Variants in NAV3 observed in about 807,000 individuals in gnomAD.
The protein encoded by NAV3 is neuron navigator 3.
In NAV3, 87 loss-of-function variants were observed where a neutral mutation model predicts 244.7. The ratio of observed to expected loss-of-function variants is 0.36; its 90% CI spans 0.30 to 0.42. The LOEUF (loss-of-function observed/expected upper bound fraction) is 0.42. Among genes scored for constraint, NAV3 ranks in the 20% least tolerant of loss-of-function variants. NAV3 has a pLI of 1.00. For missense variants in NAV3, 2,663 were observed against 2,893.3 expected, an observed-to-expected ratio of 0.92 and a Z score of 1.83; for synonymous variants, 1,126 against 1,042.2, an observed-to-expected ratio of 1.08 and a Z score of -1.55.
At position 78,158,796 on chromosome 12, in the gene NAV3, A is replaced by G. The variant is rs549637333; in HGVS notation, c.4786-407A>G. On this transcript the variant is annotated intron_variant, in intron 22 of 39. Transcript: ENST00000397909. ...TCTGCAAAGGTCATCATGAAAGTATAAAAATGAGGAATATTTGTCCATTGA... is the reference window on the plus strand; with the variant it reads ...TCTGCAAAGGTCATCATGAAAGTATGAAAATGAGGAATATTTGTCCATTGA... 7.7e-4 allele frequency among the ~76,000 whole-genome samples: 118 copies of G among 152,316 alleles called. 1 individual carries two copies. The highest frequency in any genetic ancestry group is 2.8e-3 in the African/African-American group (117 of 41,566).
At chr12:77,772,919 C>T (rs1870167149) in intron 2 of NAV3, among the ~76,000 whole-genome samples, 1 of 152,160 alleles carries the variant, frequency 6.6e-6, no homozygotes, top group South Asian at 2.1e-4. Flanking sequence ...GGCATTATGA[C>T]TTGTCATGAA....
chr12:77,831,229 G>T lies in NAV3; in HGVS notation c.-233G>T. The T allele has an allele frequency of 2.6e-6, 1 of 390,674 alleles. No homozygotes were observed. The highest frequency in any genetic ancestry group is 4.6e-6 in the Non-Finnish European group (1 of 215,266). 24.2% of individuals were successfully genotyped at this position (390,674 alleles called of 1,614,324 possible). On this transcript the variant is annotated 5_prime_UTR_variant, in exon 1 of 40. Coordinates refer to ENST00000397909, the MANE Select transcript of NAV3 (RefSeq NM_001024383.2). ...AGAGAGAGAGAGAGAAAGAGAGAGAGAGAGAGAATGAGAATGAATATGAAT... is the reference window on the plus strand; with the variant it reads ...AGAGAGAGAGAGAGAAAGAGAGAGATAGAGAGAATGAGAATGAATATGAAT...
chr12:77,980,129 G>A (rs1427107779), intron 5 of NAV3, among the ~76,000 whole-genome samples: 1 of 152,120 alleles, frequency 6.6e-6, no homozygotes, highest in Admixed American at 6.6e-5. Context: ...TATCTGATAA[G>A]TTTCAGTTCC....
At chr12:78,209,758 A>G (rs990104280) in intron 39 of NAV3, among the ~76,000 whole-genome samples, 9 of 152,178 alleles carry the variant, frequency 5.9e-5, no homozygotes, top group Admixed American at 5.9e-4. Flanking sequence ...TCCAGATGAT[A>G]GTTTTTGTTT....
intron 2 of NAV3, among the ~76,000 whole-genome samples, chr12:77,794,836 A>G (rs140011951): frequency 2.9e-3 from 448 of 152,338 alleles, no homozygotes; most frequent in Middle Eastern, 0.014. Flanking sequence ...AATCGTGCTC[A>G]TAAAAAATGG....
chr12:77,874,526 C>A (rs1047851491), intron 1 of NAV3, among the ~76,000 whole-genome samples: 4 of 151,932 alleles, frequency 2.6e-5, no homozygotes, highest in Non-Finnish European at 5.9e-5. Context: ...TCTTTTTAAT[C>A]TTTGCAAATG....
chr12:78,138,643 G>A (rs1320728238), intron 19 of NAV3, among the ~76,000 whole-genome samples: 1 of 152,102 alleles, frequency 6.6e-6, no homozygotes, highest in African/African-American at 2.4e-5. Flanking sequence ...TTCTGAAATG[G>A]TTCTGTTGCT....
chr12:78,189,386 G>A (rs1256891288), intron 33 of NAV3, among the ~76,000 whole-genome samples: 4 of 151,776 alleles, frequency 2.6e-5, no homozygotes, highest in Non-Finnish European at 5.9e-5. Flanking sequence ...TATGATGAAG[G>A]TAATTGAGTT....
At chr12:77,778,394 C>G (rs1234793339) in intron 2 of NAV3, among the ~76,000 whole-genome samples, 1 of 151,380 alleles carries the variant, frequency 6.6e-6, no homozygotes, top group African/African-American at 2.4e-5. Context: ...AGGTGGATCA[C>G]GAGGTCAGGA....
At chr12:77,655,480 T>C (rs145284729) in intron 2 of NAV3, among the ~76,000 whole-genome samples, 4,597 of 152,292 alleles carry the variant, frequency 0.03, 79 homozygotes, top group Middle Eastern at 0.044. Flanking sequence ...CTACGTCTGA[T>C]TGGTGTACCT....
intron 2 of NAV3, among the ~76,000 whole-genome samples, chr12:77,721,135 T>G (rs1409145937): frequency 6.6e-6 from 1 of 152,184 alleles, no homozygotes; most frequent in Non-Finnish European, 1.5e-5. Flanking sequence ...AAGCTAGGAC[T>G]ATTCATTTCA....
chr12:77,795,241 A>G (rs1358398608), intron 2 of NAV3, among the ~76,000 whole-genome samples: 2 of 152,192 alleles, frequency 1.3e-5, no homozygotes, highest in East Asian at 3.8e-4. Context: ...GCTGGTCTAG[A>G]TAGATCAAAC....
intron 16 of NAV3, among the ~76,000 whole-genome samples, chr12:78,123,062 A>G (rs1955746350): frequency 6.6e-6 from 1 of 152,172 alleles, no homozygotes; most frequent in Admixed American, 6.5e-5. Flanking sequence ...AGTAGAGGAC[A>G]TAGCAAGGCA....
chr12:77,758,114 G>T (rs1295221539), intron 2 of NAV3, among the ~76,000 whole-genome samples: 1 of 152,052 alleles, frequency 6.6e-6, no homozygotes, highest in African/African-American at 2.4e-5. Flanking sequence ...AAGTGTCTGA[G>T]TTTGGTTTAT....
intron 2 of NAV3, among the ~76,000 whole-genome samples, chr12:77,776,702 C>T (rs1320181493): frequency 6.6e-6 from 1 of 152,162 alleles, no homozygotes; most frequent in Non-Finnish European, 1.5e-5. Flanking sequence ...GAGAGTTTTA[C>T]ACTACTCAAA....
chr12:78,073,387 C>T (rs1357478567), intron 12 of NAV3, among the ~76,000 whole-genome samples: 2 of 150,256 alleles, frequency 1.3e-5, no homozygotes, highest in African/African-American at 2.5e-5. Flanking sequence ...TTCTTATACA[C>T]CAGCAACAGA....
intron 9 of NAV3, among the ~76,000 whole-genome samples, chr12:78,022,650 AT>A (rs1195146521): frequency 1.3e-5 from 2 of 151,792 alleles, no homozygotes; most frequent in African/African-American, 4.8e-5. Flanking sequence ...AACTAAATAA[AT>A]TATTTAATTT....
intron 2 of NAV3, among the ~76,000 whole-genome samples, chr12:77,610,458 G>A (rs1870861811): frequency 6.6e-6 from 1 of 152,034 alleles, no homozygotes; most frequent in Non-Finnish European, 1.5e-5. Context: ...AGCTACTCTG[G>A]TTCCCTCAGA....
rs142766530 is a variant in NAV3, at chr12:77,646,437, T to G, written c.72+74171T>G. Among the ~76,000 whole-genome samples the G allele has an allele frequency of 1.7e-3, 258 of 152,158 alleles. 3 individuals carry two copies. The highest frequency in any genetic ancestry group is 5.8e-3 in the African/African-American group (242 of 41,472). On this transcript the variant is annotated intron_variant, in intron 2 of 8. Coordinates refer to the NAV3 transcript ENST00000550042. ...TGACTGTGACCCAAACCTCCTGTCC[T>G]GAAGCAGAGGTGAAGAAGGCGTTCT...
Sources: gnomAD v4.1 joint callset for allele counts (sites outside exome capture counted in the v4.1 genomes callset) on GRCh38, gnomAD v4.1.1 for gene constraint, MANE v1.5 for transcripts, NCBI Gene and HGNC (gene_info 2026-07-23, HGNC 2026-07-21) for gene names.